Variants in OTUB2 observed in about 807,000 individuals in gnomAD.
OTUB2 encodes OTU deubiquitinase, ubiquitin aldehyde binding 2.
In OTUB2, 21 loss-of-function variants were observed where a neutral mutation model predicts 25.1. The observed-to-expected ratio is 0.84, with a 90% CI of 0.59 to 1.21. OTUB2 has a LOEUF of 1.21. Ranked by LOEUF, OTUB2 falls within the 50% of genes most tolerant of loss-of-function variation. The pLI is 0.00. For synonymous variants in OTUB2, 122 were observed against 122.8 expected (o/e 0.99, Z 0.04); for missense variants, 283 against 298.0 (o/e 0.95, Z 0.37).
intron 3 of OTUB2, among the ~76,000 whole-genome samples, chr14:94,042,588 GC>G (rs1383610335): frequency 2.0e-5 from 3 of 152,182 alleles, no homozygotes; most frequent in Non-Finnish European, 2.9e-5. Flanking sequence ...CCTTGGAGCA[GC>G]CCTGGAGGAC....
intron 1 of OTUB2, among the ~76,000 whole-genome samples, chr14:94,033,628 T>C (rs1884999439): frequency 6.6e-6 from 1 of 152,256 alleles, no homozygotes; most frequent in African/African-American, 2.4e-5. Context: ...CAGCTGTCTG[T>C]ATAAACAACA....
intron 4 of OTUB2, 57 bp downstream of exon 4, chr14:94,044,112 G>C: frequency 6.6e-7 from 1 of 1,513,820 alleles, no homozygotes; most frequent in South Asian, 1.1e-5. Flanking sequence ...GTGGGCACTG[G>C]CTGGAGCCCC....
At chr14:94,040,354 G>A (rs993723120) in intron 3 of OTUB2, among the ~76,000 whole-genome samples, 2 of 152,192 alleles carry the variant, frequency 1.3e-5, no homozygotes, top group African/African-American at 4.8e-5. Context: ...GCACAGTGCA[G>A]GGATTATGAC....
At chr14:94,044,497 C>G (rs994235749) in intron 4 of OTUB2, 89 bp from the exon 5 acceptor site, 116 of 1,323,088 alleles carry the variant, frequency 8.8e-5, no homozygotes, top group Non-Finnish European at 1.1e-4. Context: ...CACGTGAGGG[C>G]TTCACGCGAA....
chr14:94,034,840 G>A (rs148319639), intron 1 of OTUB2, among the ~76,000 whole-genome samples: 1 of 152,346 alleles, frequency 6.6e-6, no homozygotes, highest in East Asian at 1.9e-4. Context: ...TTCCCCAGAA[G>A]TCCCCAGCAG....
rs1218756532 is a variant in OTUB2, at chr14:94,048,620, G to T, written c.*2698G>T. 1 of 152,216 alleles carries T rather than the reference G, an allele frequency of 6.6e-6. No homozygotes were observed. Among genetic ancestry groups the T allele is most frequent in the Non-Finnish European group, 1.5e-5 (1 of 68,054 alleles). 9.4% of individuals were successfully genotyped at this position (152,216 alleles called of 1,614,324 possible). A position where few individuals can be genotyped will look rare whatever the true frequency, so the allele number is the denominator to read the frequency against. ...AGCTATTATACCTGACACACTCATC[G>T]TATGGGCTCTGCAAAGGGATATTCC... On this transcript the variant is annotated 3_prime_UTR_variant, in exon 6 of 6. Transcript: ENST00000203664.
Position 94,044,610 on chromosome 14 carries a change from GAGA to G in OTUB2, c.331_333del (p.Lys111del). 6.2e-7 allele frequency: 1 copy of G among 1,613,984 alleles called. No individual in the cohort carries two copies. Among genetic ancestry groups the G allele is most frequent in the South Asian group, 1.1e-5 (1 of 91,070 alleles). ...GTTTTACAGTGTGGTGGAACTGGTA[GAGA>G]AGGATGGCTCAGTGTCCAGCCTGCT... On this transcript the variant is annotated inframe_deletion, in exon 5 of 6. Coordinates refer to ENST00000203664, the MANE Select transcript of OTUB2 (RefSeq NM_023112.4).
At chr14:94,030,975 A>G (rs1884951701) in intron 1 of OTUB2, among the ~76,000 whole-genome samples, 2 of 152,222 alleles carry the variant, frequency 1.3e-5, no homozygotes, top group Admixed American at 1.3e-4. Flanking sequence ...GGCCTCCAGC[A>G]CTGTCAGATC....
At chr14:94,031,195 G>A (rs1378038412) in intron 1 of OTUB2, among the ~76,000 whole-genome samples, 2 of 150,492 alleles carry the variant, frequency 1.3e-5, no homozygotes, top group African/African-American at 2.5e-5. Flanking sequence ...TTGAGCCCAG[G>A]AGTTTGAGAC....
chr14:94,031,238 G>GA (rs34660745), intron 1 of OTUB2, among the ~76,000 whole-genome samples: 21,546 of 124,134 alleles, frequency 0.17, 1,910 homozygotes, highest in African/African-American at 0.28. Context: ...TCCCATCTCA[G>GA]AAAAAAAAAA....
chr14:94,044,154 G>A, intron 4 of OTUB2, 99 bp downstream of exon 4: 1 of 1,243,730 alleles, frequency 8.0e-7, no homozygotes, highest in African/African-American at 1.5e-5. Flanking sequence ...CCTCCTGGCT[G>A]GGGAAGGACA....
At chr14:94,040,574 G>A (rs1425965525) in intron 3 of OTUB2, among the ~76,000 whole-genome samples, 1 of 152,194 alleles carries the variant, frequency 6.6e-6, no homozygotes, top group East Asian at 1.9e-4. Context: ...GGTGATGCTG[G>A]CTAAGCCCAG....
chr14:94,045,616 CAG>C, intron 5 of OTUB2, 98 bp from the exon 6 acceptor site: 2 of 1,179,568 alleles, frequency 1.7e-6, no homozygotes, highest in South Asian at 2.8e-5. Context: ...CGTCCCAGCA[CAG>C]AGGCTGTGAC....
At chr14:94,026,646 T>A in intron 1 of OTUB2, 106 bp downstream of exon 1, 1 of 1,148,176 alleles carries the variant, frequency 8.7e-7, no homozygotes, top group African/African-American at 1.6e-5. Context: ...GACGCGAGGC[T>A]CAGCCCCCAG....
At chr14:94,038,584 A>T (rs1173655659) in intron 2 of OTUB2, among the ~76,000 whole-genome samples, 1 of 65,026 alleles carries the variant, frequency 1.5e-5, no homozygotes, top group African/African-American at 6.0e-5. Flanking sequence ...GCAACCCCCT[A>T]CCCCCTACTT....
chr14:94,045,849 C>A lies in OTUB2; in HGVS notation c.632C>A (p.Ala211Asp). 6.2e-7 allele frequency: 1 copy of A among 1,614,208 alleles called. No individual in the cohort carries two copies. Among genetic ancestry groups the A allele is most frequent in the East Asian group, 2.2e-5 (1 of 44,884 alleles). Reference protein sequence around the residue: ...TALNHHVFPEAATPSVYLLYK... With the variant: ...TALNHHVFPEDATPSVYLLYK... The stretch of plus-strand genomic sequence containing the variant: ...CTGAACCACCACGTGTTCCCTGAGG[C>A]CGCCACCCCTTCCGTTTACCTGCTC... Residue 211 changes from alanine (A) to aspartate (D), a missense_variant, in exon 6 of 6, where the codon GCC becomes GAC. Ala to Asp is a moderately radical substitution (Grantham distance 126). Coordinates refer to ENST00000203664, the MANE Select transcript of OTUB2 (RefSeq NM_023112.4).
intron 1 of OTUB2, among the ~76,000 whole-genome samples, chr14:94,027,550 G>A (rs542866426): frequency 1.2e-4 from 19 of 152,346 alleles, no homozygotes; most frequent in Non-Finnish European, 2.4e-4. Flanking sequence ...TCTGTGTCAT[G>A]GGAACCATGT....
At chr14:94,045,281 G>A (rs978497603) in intron 5 of OTUB2, among the ~76,000 whole-genome samples, 3 of 152,010 alleles carry the variant, frequency 2.0e-5, no homozygotes, top group South Asian at 2.1e-4. Flanking sequence ...TTCTTCCATC[G>A]TCTCTGCAGC....
intron 1 of OTUB2, among the ~76,000 whole-genome samples, chr14:94,027,480 C>T (rs538853103): frequency 6.6e-6 from 1 of 152,326 alleles, no homozygotes; most frequent in Non-Finnish European, 1.5e-5. Flanking sequence ...TCACTTCCAC[C>T]TGTTGGAAAG....
Sources: allele counts gnomAD v4.1 joint callset (sites outside exome capture counted in the v4.1 genomes callset), GRCh38; gene constraint gnomAD v4.1.1; transcripts MANE v1.5; gene names NCBI Gene and HGNC (gene_info 2026-07-23, HGNC 2026-07-21).